The following STK40 variants were observed in gnomAD, a reference collection of about 807,000 sequenced individuals.
STK40 encodes the protein serine/threonine kinase 40, also known as serine/threonine-protein kinase 40.
In STK40, 13 loss-of-function variants were observed where a neutral mutation model predicts 47.9. The observed-to-expected ratio is 0.27, with a 90% CI of 0.18 to 0.43. The LOEUF (loss-of-function observed/expected upper bound fraction) is 0.43, where lower values mean the gene tolerates loss of function less well. Among genes scored for constraint, STK40 ranks in the 20% least tolerant of loss-of-function variants. The probability of loss-of-function intolerance (pLI) is 1.00; values close to 1 mark genes in which losing one functional copy is unlikely to be tolerated. For missense variants in STK40, 460 were observed against 595.1 expected (o/e 0.77, Z 2.36); for synonymous variants, 225 against 243.2 (o/e 0.93, Z 0.69).
Position 36,379,382 on chromosome 1 carries a change from C to T in STK40, c.-9+6341G>A, listed in dbSNP as rs1022193293. ...GTCATGGCCAGGAGAGAATGAACAC[C>T]GTTGGGTTGTAGCCTCTTTTTTTTT... is the stretch of plus-strand genomic sequence containing the variant. On this transcript the variant is annotated intron_variant, in intron 1 of 10. Coordinates refer to ENST00000373132, the MANE Select transcript of STK40 (RefSeq NM_001282547.2). Among the ~76,000 whole-genome samples, 18 of 150,036 alleles carry T rather than the reference C, an allele frequency of 1.2e-4. No individual in the cohort carries two copies. The East Asian group carries it at 2.9e-3, about 24-fold the overall frequency.
intron 1 of STK40, 42 bp from the exon 2 acceptor site, chr1:36,361,382 C>A (rs759486789): frequency 1.2e-6 from 2 of 1,610,924 alleles, no homozygotes; most frequent in African/African-American, 1.3e-5. Context: ...AGTAAGTCAG[C>A]GAGTTTCCTT....
intron 2 of STK40, among the ~76,000 whole-genome samples, chr1:36,360,403 C>T (rs1646841140): frequency 6.6e-6 from 1 of 152,186 alleles, no homozygotes; most frequent in Non-Finnish European, 1.5e-5. Flanking sequence ...GCCAGGATTT[C>T]TGTGCCAATT....
intron 7 of STK40, among the ~76,000 whole-genome samples, chr1:36,345,987 A>ATTTTTTTT (rs1397972473): frequency 0.024 from 411 of 17,200 alleles, 4 homozygotes; most frequent in Non-Finnish European, 0.038. Context: ...ATATATATAT[A>ATTTTTTTT]TATATTTTTT....
intron 4 of STK40, among the ~76,000 whole-genome samples, chr1:36,357,648 G>A (rs1442560933): frequency 6.6e-5 from 10 of 151,968 alleles, no homozygotes; most frequent in African/African-American, 1.9e-4. Flanking sequence ...ATGGAGTCTC[G>A]CTCTGTCACC....
In STK40 at chr1:36,364,162, C is replaced by CAAA. The variant is rs1185217530; in HGVS notation, c.-8-2823_-8-2822insTTT. ...CAAGACTCCGTCTCAAAAGAAAAAA[C>CAAA]AACAACAACAACAAAAATATACATC... On this transcript the variant is annotated intron_variant, in intron 1 of 10. Transcript: ENST00000373132. 4.7e-5 allele frequency among the ~76,000 whole-genome samples: 7 copies of CAAA among 150,124 alleles called. No individual in the cohort carries two copies. The East Asian group carries it at 1.2e-3, about 25-fold the overall frequency.
intron 1 of STK40, among the ~76,000 whole-genome samples, chr1:36,379,614 T>C (rs1043512798): frequency 6.6e-6 from 1 of 152,068 alleles, no homozygotes; most frequent in Admixed American, 6.5e-5. Context: ...TCTCCTGACC[T>C]CGTGATCTGC....
At chr1:36,380,802 T>C (rs1057258750) in intron 1 of STK40, among the ~76,000 whole-genome samples, 9 of 152,168 alleles carry the variant, frequency 5.9e-5, no homozygotes, top group African/African-American at 2.2e-4. Flanking sequence ...TTCTCCCAGG[T>C]GCTGATTCAG....
At chr1:36,383,998 C>T (rs1428615327) in intron 1 of STK40, among the ~76,000 whole-genome samples, 1 of 151,144 alleles carries the variant, frequency 6.6e-6, no homozygotes, top group Non-Finnish European at 1.5e-5. Flanking sequence ...TCCCACAGTA[C>T]TCTCTTGCTG....
chr1:36,362,826 A>T (rs1646864574), intron 1 of STK40, among the ~76,000 whole-genome samples: 1 of 152,168 alleles, frequency 6.6e-6, no homozygotes, highest in Non-Finnish European at 1.5e-5. Context: ...CCACACTGTA[A>T]TGCTATTTTA....
chr1:36,361,215 G>A lies in STK40; in HGVS notation c.112+6C>T. The A allele has an allele frequency of 6.2e-7, 1 of 1,614,078 alleles. No homozygotes were observed. The highest frequency in any genetic ancestry group is 8.5e-7 in the Non-Finnish European group (1 of 1,180,018). Reference sequence around the variant, plus strand: ...CACCCATTTTTCCCAAAGGTCAGAGGCTTACCAAGGATGAATGGTCCAGCT... The same window carrying A: ...CACCCATTTTTCCCAAAGGTCAGAGACTTACCAAGGATGAATGGTCCAGCT... On this transcript the variant is annotated splice_donor_region_variant and intron_variant, in intron 2 of 10. Coordinates refer to ENST00000373132, the MANE Select transcript of STK40 (RefSeq NM_001282547.2).
At chr1:36,374,532 C>G (rs978944498) in intron 1 of STK40, among the ~76,000 whole-genome samples, 3 of 152,248 alleles carry the variant, frequency 2.0e-5, no homozygotes, top group African/African-American at 7.2e-5. Flanking sequence ...GCATTGCCAG[C>G]CCTGCCACCA....
rs779487504 is a variant in STK40, at chr1:36,344,101, C to G, written c.884+19G>C. 1.5e-5 allele frequency: 23 copies of G among 1,583,386 alleles called. No individual in the cohort carries two copies. Among genetic ancestry groups the G allele is most frequent in the South Asian group, 2.3e-5 (2 of 88,678 alleles). On this transcript the variant is annotated intron_variant, in intron 8 of 10. Coordinates refer to ENST00000373132, the MANE Select transcript of STK40 (RefSeq NM_001282547.2). ...ATCAGGCTGGCTGCCCCCCCCACCC[C>G]CCGGGAGGCAGGACTCACTCAGGAA... is the stretch of plus-strand genomic sequence containing the variant.
In STK40 at chr1:36,343,442, G is replaced by A. The variant is rs1434579239; in HGVS notation, c.1011C>T (p.Ser337=). 1.2e-6 allele frequency: 2 copies of A among 1,612,980 alleles called. No individual in the cohort carries two copies. Among genetic ancestry groups the A allele is most frequent in the South Asian group, 1.1e-5 (1 of 90,768 alleles). ...GCAAAGGCCCACTCAGAGATGACAG[G>A]GACTGCCTGCAGGGAGGCAGACAGG... ...ALSAIIASWQ[S]LSSLSGPLQV... is the part of the protein sequence containing the mutation. The change falls in exon 10 of 11, where the codon TCC becomes TCT. Residue 337 remains serine (S), a synonymous_variant. Transcript: ENST00000373132.
chr1:36,343,237 G>A (rs1646670409), intron 10 of STK40, 127 bp downstream of exon 10: 1 of 1,069,660 alleles, frequency 9.3e-7, no homozygotes. Context: ...CCACCCCAAG[G>A]CTGGGGAAGA....
intron 6 of STK40, among the ~76,000 whole-genome samples, chr1:36,349,305 G>A (rs1190957049): frequency 6.6e-6 from 1 of 152,240 alleles, no homozygotes; most frequent in Non-Finnish European, 1.5e-5. Flanking sequence ...TCCGAACCAC[G>A]GAATATGTCA....
At position 36,361,263 on chromosome 1, in the gene STK40, T is replaced by C; in HGVS notation, c.70A>G (p.Ile24Val). The change falls in exon 2 of 11, where the codon ATT becomes GTT. Residue 24 changes from isoleucine (I) to valine (V), a missense_variant. By Grantham distance (29) the Ile-to-Val change is conservative. Around this residue, in one of 3 missense-constraint regions of STK40, gnomAD observed 277 missense variants for 358.7 expected, o/e 0.77. Transcript: ENST00000373132. ...SARAKALGSG[I>V]SGNNAKRAGP... is the part of the protein sequence containing the mutation. ...GCTCTCTTTGCATTATTTCCAGAAA[T>C]CCCACTTCCTAGAGCCTTGGCCCTG... 1 of 1,614,196 alleles carries C rather than the reference T, an allele frequency of 6.2e-7. No homozygotes were observed. Among genetic ancestry groups the C allele is most frequent in the Non-Finnish European group, 8.5e-7 (1 of 1,180,038 alleles).
At chr1:36,360,957 T>C (rs1164970162) in intron 2 of STK40, among the ~76,000 whole-genome samples, 1 of 152,164 alleles carries the variant, frequency 6.6e-6, no homozygotes, top group Non-Finnish European at 1.5e-5. Context: ...AGCCTAGCTA[T>C]TGGCTAAGGC....
At chr1:36,343,665 G>C (rs191046001) in intron 9 of STK40, among the ~76,000 whole-genome samples, 195 bp downstream of exon 9, 1 of 152,332 alleles carries the variant, frequency 6.6e-6, no homozygotes, top group East Asian at 1.9e-4. Context: ...GGCAGGGCCT[G>C]GGTAACTATG....
intron 6 of STK40, among the ~76,000 whole-genome samples, chr1:36,351,841 C>A (rs1646762084): frequency 6.6e-6 from 1 of 152,216 alleles, no homozygotes; most frequent in African/African-American, 2.4e-5. Context: ...CCGGCAAGTT[C>A]CCATGACAAC....
Sources: allele counts gnomAD v4.1 joint callset (sites outside exome capture counted in the v4.1 genomes callset), GRCh38; gene constraint gnomAD v4.1.1; regional missense constraint gnomAD v4.1.1; transcripts MANE v1.5; gene names NCBI Gene and HGNC (gene_info 2026-07-23, HGNC 2026-07-21).